IPO13: variants seen among roughly 807,000 people sequenced by gnomAD.
IPO13 encodes importin-13.
A neutral mutation model predicts 115.5 loss-of-function variants in IPO13; 28 were observed. The observed-to-expected ratio is 0.24, with a 90% confidence interval of 0.18 to 0.33. The LOEUF (loss-of-function observed/expected upper bound fraction) is 0.33. Among genes scored for constraint, IPO13 ranks in the 10% least tolerant of loss-of-function variants. The pLI, the probability that IPO13 is intolerant of heterozygous loss-of-function variation, is 1.00. For synonymous variants in IPO13, 414 were observed against 478.9 expected, an observed-to-expected ratio of 0.86 and a Z score of 1.77; for missense variants, 785 against 1,204.6, an observed-to-expected ratio of 0.65 and a Z score of 5.16.
At chr1:43,957,031 T>C in intron 5 of IPO13, 55 bp downstream of exon 5, 2 of 1,592,222 alleles carry the variant, frequency 1.3e-6, no homozygotes, top group Admixed American at 3.5e-5. Context: ...ATGAAGGCAA[T>C]GAGGGAAGGG....
intron 12 of IPO13, 30 bp from the exon 13 acceptor site, chr1:43,960,846 T>C: frequency 1.2e-6 from 2 of 1,612,970 alleles, no homozygotes; most frequent in African/African-American, 1.3e-5. Context: ...CATGACCTGC[T>C]GACCAGGGCC....
chr1:43,960,833 A>T, intron 12 of IPO13, 43 bp from the exon 13 acceptor site: 2 of 1,610,678 alleles, frequency 1.2e-6, no homozygotes, highest in Admixed American at 1.7e-5. Flanking sequence ...TGTTCCAGCC[A>T]GTCATGACCT....
intron 2 of IPO13, among the ~76,000 whole-genome samples, chr1:43,955,166 C>G (rs969771545): frequency 6.6e-6 from 1 of 152,188 alleles, no homozygotes; most frequent in Non-Finnish European, 1.5e-5. Context: ...TTCCTCCCTG[C>G]TGCCACCACA....
Position 43,952,955 on chromosome 1 carries a change from C to T in IPO13, c.821+2802C>T, listed in dbSNP as rs2085218982. On this transcript the variant is annotated intron_variant, in intron 2 of 19. Coordinates refer to ENST00000372343, the MANE Select transcript of IPO13 (RefSeq NM_014652.4). This position sits in a 1 kb window ranked among gnomAD's most constrained non-coding sequence, Gnocchi z 4.7. ...CTCTTGGCAGCCTGAAGCTCAAGTG[C>T]TGGGTGGGCTCTGACAGTTGGTGAC... Among the ~76,000 whole-genome samples, 2 of 152,160 alleles carry T rather than the reference C, an allele frequency of 1.3e-5. No homozygotes were observed. Among genetic ancestry groups the T allele is most frequent in the African/African-American group, 4.8e-5 (2 of 41,438 alleles).
intron 11 of IPO13, among the ~76,000 whole-genome samples, chr1:43,959,952 G>T (rs1448334602): frequency 2.0e-5 from 3 of 152,200 alleles, no homozygotes; most frequent in South Asian, 2.1e-4. Flanking sequence ...GATAGGGAGA[G>T]ATTTTTTTTT....
rs558551388 is a variant in IPO13 at position 43,958,963 on chromosome 1, T to C, written c.2028+74T>C. 7.1e-7 allele frequency: 1 copy of C among 1,398,968 alleles called. No homozygotes were observed. Among genetic ancestry groups the C allele is most frequent in the South Asian group, 1.2e-5 (1 of 82,798 alleles). The allele number at this position is 1,398,968 out of a possible 1,614,324, so 86.7% of individuals were successfully genotyped here. A position where few individuals can be genotyped will look rare whatever the true frequency, so the allele number is the denominator to read the frequency against. Reference sequence around the variant, plus strand: ...CAACCCCCACCTGTGGGAATGTCATTGTCACTCTTCAATTCTGTGGGTAAT... The same window carrying C: ...CAACCCCCACCTGTGGGAATGTCATCGTCACTCTTCAATTCTGTGGGTAAT... On this transcript the variant is annotated intron_variant, in intron 11 of 19. Coordinates refer to ENST00000372343, the MANE Select transcript of IPO13 (RefSeq NM_014652.4). The surrounding 1 kb of genome is among the most constrained non-coding windows in gnomAD (Gnocchi z 6.3).
rs1193917624 is a variant in IPO13, at chr1:43,947,475, C to G, written c.-126C>G. ...GGGAGGCCTCGGCAGCCATGCCCGC[C>G]CTGGGCCCCCCCTCACCCCACCACT... On this transcript the variant is annotated 5_prime_UTR_variant, in exon 1 of 20. Transcript: ENST00000372343. The G allele has an allele frequency of 4.1e-6, 2 of 490,434 alleles. No homozygotes were observed. Among genetic ancestry groups the G allele is most frequent in the Non-Finnish European group, 6.5e-6 (2 of 308,194 alleles). The allele number at this position is 490,434 out of a possible 1,614,324, so 30.4% of individuals were successfully genotyped here. A position where few individuals can be genotyped will look rare whatever the true frequency, so the allele number is the denominator to read the frequency against.
intron 5 of IPO13, 56 bp from the exon 6 acceptor site, chr1:43,957,139 G>T: frequency 6.3e-7 from 1 of 1,594,854 alleles, no homozygotes; most frequent in Middle Eastern, 1.7e-4. Context: ...TGGGCTTGGG[G>T]GCAGGATCCA....
Position 43,957,281 on chromosome 1 carries a change from T to C in IPO13, c.1358T>C (p.Leu453Ser). The C allele has an allele frequency of 6.2e-7, 1 of 1,614,122 alleles. No individual in the cohort carries two copies. The highest frequency in any genetic ancestry group is 8.5e-7 in the Non-Finnish European group (1 of 1,180,014). ...AACCTCTATGACAAGCTGGGTCGTT[T>C]GCTCACCAGCTCAGAGGAGCCCTAC... The part of the protein sequence containing the change: ...LSNLYDKLGR[L>S]LTSSEEPYSW... The change falls in exon 6 of 20, where the codon TTG becomes TCG. Residue 453 changes from leucine to serine, a missense_variant. Coordinates refer to ENST00000372343, the MANE Select transcript of IPO13 (RefSeq NM_014652.4).
Position 43,961,185 on chromosome 1 carries a change from A to G in IPO13, c.2267A>G (p.His756Arg), listed in dbSNP as rs368914577. 1.9e-6 allele frequency: 3 copies of G among 1,613,944 alleles called. No homozygotes were observed. The highest frequency in any genetic ancestry group is 1.7e-6 in the Non-Finnish European group (2 of 1,179,988). ...LTRQLVHIFA[H>R]EPAHFPPIEA... ...TCGTAGCTGGTCCACATCTTTGCTC[A>G]TGAGCCTGCCCACTTTCCCCCAATT... Residue 756 changes from histidine (H) to arginine (R), a missense_variant, in exon 14 of 20, where the codon CAT becomes CGT. Physicochemically the swap from His to Arg is conservative, Grantham distance 29. This residue lies in a region of IPO13 where 285 missense variants were observed against 394.8 expected (regional missense o/e 0.72). Coordinates refer to ENST00000372343, the MANE Select transcript of IPO13 (RefSeq NM_014652.4).
At position 43,956,548 on chromosome 1, in the gene IPO13, C is replaced by T. The variant is rs774255544; in HGVS notation, c.963-12C>T. ...TCCCTGGAAAGGTAGAATGACCTGA[C>T]TCTCTCCCCAGGGCCTTGCTGGACC... is the stretch of plus-strand genomic sequence containing the variant. On this transcript the variant is annotated splice_polypyrimidine_tract_variant and intron_variant, in intron 3 of 19. Coordinates refer to ENST00000372343, the MANE Select transcript of IPO13 (RefSeq NM_014652.4). The surrounding 1 kb of genome is among the most constrained non-coding windows in gnomAD (Gnocchi z 4.7). The T allele has an allele frequency of 2.5e-6, 4 of 1,614,070 alleles. No individual in the cohort carries two copies. The African/African-American group carries it at 5.3e-5, about 22-fold the overall frequency.
chr1:43,967,180 C>G lies in IPO13; in HGVS notation c.2614-135C>G. On this transcript the variant is annotated intron_variant, in intron 18 of 19. Transcript: ENST00000372343. This position sits in a 1 kb window ranked among gnomAD's most constrained non-coding sequence, Gnocchi z 6.1. ...TTGTTAGGATTGCTGTGGGGATCAG[C>G]TGGCTCTCAAAAAGCAGCGCTCACT... 9.0e-7 allele frequency: 1 copy of G among 1,116,566 alleles called. No individual in the cohort carries two copies. The highest frequency in any genetic ancestry group is 1.3e-6 in the Non-Finnish European group (1 of 751,262). 69.2% of individuals were successfully genotyped at this position (1,116,566 alleles called of 1,614,324 possible). A position where few individuals can be genotyped will look rare whatever the true frequency, so the allele number is the denominator to read the frequency against.
chr1:43,953,285 C>A (rs1047383979), intron 2 of IPO13: 4 of 152,246 alleles, frequency 2.6e-5, no homozygotes, highest in African/African-American at 9.6e-5. Flanking sequence ...AGCAGCCCTG[C>A]CTCGGCTACT....
intron 2 of IPO13, 103 bp downstream of exon 2, chr1:43,950,256 G>T: frequency 7.4e-7 from 1 of 1,342,392 alleles, no homozygotes; most frequent in East Asian, 2.4e-5. Context: ...ACTGATACCT[G>T]GTCCTATGCT....
In IPO13 at chr1:43,967,181, T is replaced by A; in HGVS notation, c.2614-134T>A. ...TGTTAGGATTGCTGTGGGGATCAGC[T>A]GGCTCTCAAAAAGCAGCGCTCACTG... On this transcript the variant is annotated intron_variant, in intron 18 of 19. Transcript: ENST00000372343. This position sits in a 1 kb window ranked among gnomAD's most constrained non-coding sequence, Gnocchi z 6.1. 1 of 1,119,342 alleles carries A rather than the reference T, an allele frequency of 8.9e-7. No individual in the cohort carries two copies. The highest frequency in any genetic ancestry group is 1.3e-6 in the Non-Finnish European group (1 of 753,376). The allele number at this position is 1,119,342 out of a possible 1,614,324, so 69.3% of individuals were successfully genotyped here. A position where few individuals can be genotyped will look rare whatever the true frequency, so the allele number is the denominator to read the frequency against.
In IPO13 at chr1:43,966,949, G is replaced by C; in HGVS notation, c.2543G>C (p.Cys848Ser). Residue 848 changes from cysteine to serine, a missense_variant, in exon 18 of 20, where the codon TGT becomes TCT. Transcript: ENST00000372343. The surrounding 1 kb of genome is among the most constrained non-coding windows in gnomAD (Gnocchi z 4.1). ...CGFFTELLPR[C>S]GEVESVGKVV... ...CTGCAGACAGAGCTGCTGCCTCGGTGTGGGGAAGTAGAGTCTGTGGGAAAG... is the reference window on the plus strand; with the variant it reads ...CTGCAGACAGAGCTGCTGCCTCGGTCTGGGGAAGTAGAGTCTGTGGGAAAG... 1 of 1,613,904 alleles carries C rather than the reference G, an allele frequency of 6.2e-7. No homozygotes were observed. The highest frequency in any genetic ancestry group is 1.3e-5 in the African/African-American group (1 of 75,036).
At chr1:43,954,591 C>T (rs965218711) in intron 2 of IPO13, among the ~76,000 whole-genome samples, 6 of 152,148 alleles carry the variant, frequency 3.9e-5, no homozygotes, top group Admixed American at 3.3e-4. Context: ...AGTGTGGCTT[C>T]CTCTGCTTAG....
In IPO13 at chr1:43,950,000, T is replaced by A; in HGVS notation, c.668T>A (p.Leu223His). 1 of 1,613,150 alleles carries A rather than the reference T, an allele frequency of 6.2e-7. No homozygotes were observed. ...CCCAGCTGTGTGCGTCAGAAGGTGC[T>A]CAAGTGTTTCTCCAGCTGGGTGCAG... The part of the protein sequence containing the change: ...SSPSCVRQKV[L>H]KCFSSWVQLE... The change falls in exon 2 of 20, where the codon CTC becomes CAC. Residue 223 changes from leucine (L) to histidine (H), a missense_variant. This residue lies in a region of IPO13 where 325 missense variants were observed against 449.8 expected (regional missense o/e 0.72). Coordinates refer to ENST00000372343, the MANE Select transcript of IPO13 (RefSeq NM_014652.4).
rs756278289 is a variant in IPO13 at position 43,966,989 on chromosome 1, C to T, written c.2583C>T (p.Asp861=). The T allele has an allele frequency of 2.0e-5, 32 of 1,613,638 alleles. No homozygotes were observed. Among genetic ancestry groups the T allele is most frequent in the East Asian group, 4.5e-5 (2 of 44,882 alleles). The part of the protein sequence containing the change: ...VESVGKVVQE[D]GRMLLIAVLE... ...CTGTGGGAAAGGTGGTACAGGAAGA[C>T]GGTCGTATGCTGCTCATAGCAGTGC... The change falls in exon 18 of 20, where the codon GAC becomes GAT. Residue 861 remains aspartate, a synonymous_variant. Coordinates refer to ENST00000372343, the MANE Select transcript of IPO13 (RefSeq NM_014652.4). This position sits in a 1 kb window ranked among gnomAD's most constrained non-coding sequence, Gnocchi z 4.1.
Sources: gnomAD v4.1 joint callset for allele counts (sites outside exome capture counted in the v4.1 genomes callset) on GRCh38, gnomAD v4.1.1 for gene constraint, gnomAD v4.1.1 regional missense constraint, Gnocchi (gnomAD v3.1) non-coding constraint, MANE v1.5 for transcripts, NCBI Gene and HGNC (gene_info 2026-07-23, HGNC 2026-07-21) for gene names.